The following PTGER3 variants were observed in gnomAD, a reference collection of about 807,000 sequenced individuals.
PTGER3 encodes the protein prostaglandin E receptor 3, also known as prostaglandin E2 receptor EP3 subtype.
PTGER3 carries 22 observed loss-of-function variants against 34.7 expected under a neutral mutation model. The ratio of observed to expected loss-of-function variants is 0.63; its 90% CI spans 0.45 to 0.91. The LOEUF is 0.91. Among genes scored for constraint, PTGER3 ranks in the 40% least tolerant of loss-of-function variants. PTGER3 has a pLI of 0.00. For missense variants in PTGER3, 468 were observed against 519.4 expected (o/e 0.90, Z 0.96); for synonymous variants, 241 against 230.1 (o/e 1.05, Z -0.43).
At chr1:70,868,121 G>A (rs1190011850) in intron 4 of PTGER3, among the ~76,000 whole-genome samples, 1 of 151,836 alleles carries the variant, frequency 6.6e-6, no homozygotes, top group African/African-American at 2.4e-5. Flanking sequence ...TGCATACACT[G>A]TCCCCACTAC....
intron 1 of PTGER3, among the ~76,000 whole-genome samples, chr1:71,025,173 C>CTTCCTTCCTTCCT (rs1658813366): frequency 2.0e-5 from 2 of 98,862 alleles, no homozygotes; most frequent in African/African-American, 7.8e-5. Flanking sequence ...TCTTTCCTTC[C>CTTCCTTCCTTCCT]TTTTTTTCCT....
intron 4 of PTGER3, among the ~76,000 whole-genome samples, chr1:70,930,592 G>A (rs1000859242): frequency 6.6e-6 from 1 of 152,070 alleles, no homozygotes; most frequent in African/African-American, 2.4e-5. Flanking sequence ...TGGCTAGGGG[G>A]GCCTCAGAAT....
chr1:70,899,862 A>T (rs1236153121), intron 4 of PTGER3, among the ~76,000 whole-genome samples: 2 of 152,140 alleles, frequency 1.3e-5, no homozygotes, highest in Admixed American at 6.5e-5. Context: ...ACCAATTGTC[A>T]TAGGGTGTAA....
chr1:71,007,034 A>G, intron 2 of PTGER3: 1 of 985,402 alleles, frequency 1.0e-6, no homozygotes, highest in South Asian at 4.7e-5. Flanking sequence ...ACATACTAGA[A>G]GATATATTTA....
At chr1:71,029,941 T>C (rs1040622382) in intron 1 of PTGER3, among the ~76,000 whole-genome samples, 51 of 147,578 alleles carry the variant, frequency 3.5e-4, no homozygotes, top group African/African-American at 1.3e-3. Context: ...ATAATAATAA[T>C]AATAATAATA....
At chr1:71,027,046 T>C (rs1249783447) in intron 1 of PTGER3, among the ~76,000 whole-genome samples, 1 of 152,196 alleles carries the variant, frequency 6.6e-6, no homozygotes, top group African/African-American at 2.4e-5. Context: ...CAATTCTTAC[T>C]GTACTACTTA....
At chr1:71,041,864 C>G (rs921012724) in intron 1 of PTGER3, among the ~76,000 whole-genome samples, 4 of 152,192 alleles carry the variant, frequency 2.6e-5, no homozygotes, top group African/African-American at 7.2e-5. Flanking sequence ...TTCTGTCCTG[C>G]AATGCAAGGG....
At chr1:70,996,850 G>A (rs1219571740) in intron 2 of PTGER3, among the ~76,000 whole-genome samples, 1 of 151,992 alleles carries the variant, frequency 6.6e-6, no homozygotes, top group Non-Finnish European at 1.5e-5. Context: ...TTTTAGTAGA[G>A]ACGGGGTTTC....
At chr1:71,002,634 A>T (rs1471685748) in intron 2 of PTGER3, among the ~76,000 whole-genome samples, 1 of 152,236 alleles carries the variant, frequency 6.6e-6, no homozygotes, top group Non-Finnish European at 1.5e-5. Flanking sequence ...TCGGACAGGG[A>T]TAAGAGTCAT....
intron 4 of PTGER3, among the ~76,000 whole-genome samples, chr1:70,884,281 C>A (rs1646453334): frequency 6.6e-6 from 1 of 152,242 alleles, no homozygotes. Context: ...CCCTGGTATA[C>A]ACATGCTGTA....
intron 2 of PTGER3, among the ~76,000 whole-genome samples, chr1:70,986,345 C>T (rs1654913877): frequency 6.6e-6 from 1 of 152,184 alleles, no homozygotes; most frequent in Non-Finnish European, 1.5e-5. Flanking sequence ...ACCCTGAAGT[C>T]TTTCTTGCCT....
intron 4 of PTGER3, among the ~76,000 whole-genome samples, chr1:70,872,984 C>G (rs1429970269): frequency 6.6e-6 from 1 of 152,150 alleles, no homozygotes; most frequent in Non-Finnish European, 1.5e-5. Flanking sequence ...GACTTTGACC[C>G]TCTTTTTGGT....
At chr1:71,026,964 C>T (rs887470656) in intron 1 of PTGER3, among the ~76,000 whole-genome samples, 2 of 152,114 alleles carry the variant, frequency 1.3e-5, no homozygotes, top group African/African-American at 4.8e-5. Context: ...GGCTCCCAGG[C>T]TCCTGTAAAA....
chr1:70,960,446 G>A (rs1651811171), intron 2 of PTGER3, among the ~76,000 whole-genome samples: 1 of 151,966 alleles, frequency 6.6e-6, no homozygotes, highest in Non-Finnish European at 1.5e-5. Context: ...GCATTGCCTT[G>A]CCCTTCCAAA....
chr1:70,952,722 T>G (rs1650884109), exon 4 of PTGER3: 1 of 1,254,230 alleles, frequency 8.0e-7, no homozygotes, highest in Non-Finnish European at 1.0e-6. Context: ...CCAACCAGTT[T>G]GTTCAGCTTT....
intron 4 of PTGER3, among the ~76,000 whole-genome samples, chr1:70,939,394 G>A (rs567097975): frequency 6.6e-6 from 1 of 152,200 alleles, no homozygotes; most frequent in Non-Finnish European, 1.5e-5. Flanking sequence ...CTACAGTTCT[G>A]GGGTCTGGAG....
intron 2 of PTGER3, chr1:71,007,249 T>C (rs1355161919): frequency 2.5e-5 from 25 of 985,372 alleles, no homozygotes; most frequent in African/African-American, 3.5e-5. Context: ...TTACATTCAT[T>C]TGTTACAAAC....
At chr1:70,905,871 G>A (rs917885640) in intron 4 of PTGER3, among the ~76,000 whole-genome samples, 9 of 152,058 alleles carry the variant, frequency 5.9e-5, no homozygotes, top group Non-Finnish European at 1.3e-4. Context: ...GCCAGGAGTG[G>A]AATGACATGA....
At chr1:71,002,199 C>T (rs1435788625) in intron 2 of PTGER3, 1 of 152,110 alleles carries the variant, frequency 6.6e-6, no homozygotes, top group African/African-American at 2.4e-5. Context: ...GAGGCTGAGG[C>T]TGCAACGAGT....
Sources: allele counts gnomAD v4.1 joint callset (sites outside exome capture counted in the v4.1 genomes callset), GRCh38; gene constraint gnomAD v4.1.1; transcripts MANE v1.5; gene names NCBI Gene and HGNC (gene_info 2026-07-23, HGNC 2026-07-21).